CELF4: variants seen among roughly 807,000 people sequenced by gnomAD.
CELF4 encodes the protein CUGBP Elav-like family member 4, also known as CUG-BP- and ETR-3-like factor 4.
CELF4 carries 18 observed loss-of-function variants against 59.9 expected under a neutral mutation model. The ratio of observed to expected loss-of-function variants is 0.30; its 90% CI spans 0.21 to 0.45. The LOEUF (loss-of-function observed/expected upper bound fraction) is 0.45, where lower values mean the gene tolerates loss of function less well. Ranked by LOEUF, CELF4 falls within the 20% of genes least tolerant of loss-of-function variation. The probability of loss-of-function intolerance (pLI) is 1.00; values close to 1 mark genes in which losing one functional copy is unlikely to be tolerated. For synonymous variants in CELF4, 261 were observed against 267.1 expected (o/e 0.98, Z 0.22); for missense variants, 456 against 689.0 (o/e 0.66, Z 3.79).
At chr18:37,295,397 G>A (rs2095582609) in intron 3 of CELF4, among the ~76,000 whole-genome samples, 1 of 152,198 alleles carries the variant, frequency 6.6e-6, no homozygotes, top group Non-Finnish European at 1.5e-5. Flanking sequence ...AGGTAGATAA[G>A]GGGTTTGTTT....
At chr18:37,507,361 C>A (rs1480222185) in intron 1 of CELF4, among the ~76,000 whole-genome samples, 1 of 152,140 alleles carries the variant, frequency 6.6e-6, no homozygotes, top group Non-Finnish European at 1.5e-5. Context: ...GAAATCTCAC[C>A]TCTCTCTGTG....
At chr18:37,305,237 T>C (rs2096319095) in intron 3 of CELF4, 3 of 152,146 alleles carry the variant, frequency 2.0e-5, no homozygotes, top group Admixed American at 2.0e-4. Flanking sequence ...GAGCTGCTGG[T>C]GTCACTGAAT....
intron 2 of CELF4, among the ~76,000 whole-genome samples, chr18:37,340,551 A>G (rs943122654): frequency 6.6e-6 from 1 of 152,146 alleles, no homozygotes; most frequent in African/African-American, 2.4e-5. Flanking sequence ...CATTCACTCA[A>G]CAACCATTCC....
intron 9 of CELF4, among the ~76,000 whole-genome samples, chr18:37,265,015 G>T (rs535123178): frequency 8.5e-5 from 13 of 152,100 alleles, no homozygotes; most frequent in South Asian, 2.1e-4. Context: ...GCATGTACGT[G>T]TGGGGATGTG....
chr18:37,455,828 G>C (rs2099776572), intron 2 of CELF4, among the ~76,000 whole-genome samples: 1 of 152,182 alleles, frequency 6.6e-6, no homozygotes. Flanking sequence ...GGGCTCTGTA[G>C]AGAGGTCTCC....
At chr18:37,493,087 G>C (rs1404742226) in intron 1 of CELF4, among the ~76,000 whole-genome samples, 1 of 152,104 alleles carries the variant, frequency 6.6e-6, no homozygotes, top group East Asian at 1.9e-4. Flanking sequence ...AATTCCTGCA[G>C]TTGTCTTCTC....
chr18:37,397,498 T>A (rs1435783702), intron 2 of CELF4, among the ~76,000 whole-genome samples: 1 of 152,116 alleles, frequency 6.6e-6, no homozygotes, highest in Non-Finnish European at 1.5e-5. Flanking sequence ...ATCTGCAGAT[T>A]GAAGGGATTG....
chr18:37,247,982 G>A (rs1352953880), intron 12 of CELF4, among the ~76,000 whole-genome samples: 1 of 152,172 alleles, frequency 6.6e-6, no homozygotes, highest in Admixed American at 6.5e-5. Flanking sequence ...TGGTCAGCTG[G>A]GTAGGTCAGA....
intron 1 of CELF4, among the ~76,000 whole-genome samples, chr18:37,512,280 C>T (rs1331995908): frequency 1.3e-5 from 2 of 152,198 alleles, no homozygotes; most frequent in African/African-American, 2.4e-5. Context: ...ATGTGCTGAG[C>T]GTGATGGGGC....
chr18:37,374,773 A>G (rs1259077765), intron 2 of CELF4, among the ~76,000 whole-genome samples: 1 of 152,156 alleles, frequency 6.6e-6, no homozygotes, highest in Non-Finnish European at 1.5e-5. Context: ...CCCAGCACTG[A>G]GTTCAAATCT....
chr18:37,414,424 A>G lies in CELF4; in HGVS notation c.369+71101T>C, dbSNP rs556492631. ...CTCACACCCACTTACCCATCCATTC[A>G]TCCACCTATCCAACTATCTACTCAC... is the stretch of plus-strand genomic sequence containing the variant. On this transcript the variant is annotated intron_variant, in intron 2 of 12. Coordinates refer to ENST00000420428, the MANE Select transcript of CELF4 (RefSeq NM_020180.4). Among the ~76,000 whole-genome samples the G allele has an allele frequency of 1.3e-4, 19 of 150,672 alleles. No homozygotes were observed. The South Asian group carries it at 3.8e-3, about 30-fold the overall frequency.
rs1190671463 is a variant in CELF4 at position 37,253,191 on chromosome 18, C to T, written c.*44+576G>A. On this transcript the variant is annotated intron_variant, in intron 12 of 12. Transcript: ENST00000420428. The surrounding 1 kb of genome is among the most constrained non-coding windows in gnomAD (Gnocchi z 4.5). ...CCGGGATCTCAGTGCTGTACCATCA[C>T]CCTCCTCAGCTTTCATCCCATCCTG... Among the ~76,000 whole-genome samples the T allele has an allele frequency of 6.6e-6, 1 of 152,196 alleles. No homozygotes were observed. The highest frequency in any genetic ancestry group is 1.5e-5 in the Non-Finnish European group (1 of 68,026).
At chr18:37,393,735 A>G (rs1280882747) in intron 2 of CELF4, among the ~76,000 whole-genome samples, 1 of 148,630 alleles carries the variant, frequency 6.7e-6, no homozygotes, top group Admixed American at 6.7e-5. Flanking sequence ...ATCTAGGCAG[A>G]TTCCTTCACC....
chr18:37,274,991 A>T (rs1227342302), intron 4 of CELF4, 107 bp from the exon 5 acceptor site: 1 of 1,535,048 alleles, frequency 6.5e-7, no homozygotes. Flanking sequence ...GCAGAGATTG[A>T]GAAAGAGACA....
Position 37,447,174 on chromosome 18 carries a change from C to T in CELF4, c.369+38351G>A, listed in dbSNP as rs79990427. ...TGAAATGCCACAGTGGGTGCCTGTG[C>T]AGCCAACGGGCCAAGGGCTCTGGAG... is the stretch of plus-strand genomic sequence containing the variant. On this transcript the variant is annotated intron_variant, in intron 2 of 12. Transcript: ENST00000420428. Among the ~76,000 whole-genome samples the T allele has an allele frequency of 1.9e-3, 297 of 152,342 alleles. 2 individuals are homozygous for T. Among genetic ancestry groups the T allele is most frequent in the Non-Finnish European group, 3.7e-3 (249 of 68,038 alleles).
At chr18:37,292,390 G>A (rs1478328452) in intron 3 of CELF4, among the ~76,000 whole-genome samples, 1 of 152,132 alleles carries the variant, frequency 6.6e-6, no homozygotes, top group African/African-American at 2.4e-5. Context: ...GGGGCAAGTG[G>A]GGGCAGATGT....
intron 3 of CELF4, among the ~76,000 whole-genome samples, chr18:37,307,532 A>C (rs1361304969): frequency 6.6e-6 from 1 of 151,998 alleles, no homozygotes; most frequent in East Asian, 1.9e-4. Flanking sequence ...TTAAATTATT[A>C]AGATGTGCCA....
chr18:37,280,929 C>T (rs1170140962), intron 3 of CELF4, among the ~76,000 whole-genome samples: 1 of 152,218 alleles, frequency 6.6e-6, no homozygotes, highest in Admixed American at 6.5e-5. Flanking sequence ...TTGGGTGACA[C>T]CCGGGGAAGT....
intron 2 of CELF4, among the ~76,000 whole-genome samples, chr18:37,335,242 T>C (rs2097724465): frequency 6.6e-6 from 1 of 152,066 alleles, no homozygotes; most frequent in Admixed American, 6.5e-5. Flanking sequence ...GCCCTCCTCC[T>C]GAAACACGCC....
Sources: gnomAD v4.1 joint callset for allele counts (sites outside exome capture counted in the v4.1 genomes callset) on GRCh38, gnomAD v4.1.1 for gene constraint, Gnocchi (gnomAD v3.1) non-coding constraint, MANE v1.5 for transcripts, NCBI Gene and HGNC (gene_info 2026-07-23, HGNC 2026-07-21) for gene names.